The following CD1C variants were observed in gnomAD, a reference collection of about 807,000 sequenced individuals.
CD1C encodes CD1c molecule, also known as T-cell surface glycoprotein CD1c.
A neutral mutation model predicts 39.4 loss-of-function variants in CD1C; 47 were observed. That is an observed-to-expected ratio of 1.19 (90% CI 0.94 to 1.52). The LOEUF is 1.52. CD1C is among the 40% of genes most tolerant of loss of function. The probability of loss-of-function intolerance (pLI) is 0.00; values close to 1 mark genes in which losing one functional copy is unlikely to be tolerated. For missense variants in CD1C, 417 were observed against 395.2 expected, an observed-to-expected ratio of 1.06 and a Z score of -0.47; for synonymous variants, 165 against 150.8, an observed-to-expected ratio of 1.09 and a Z score of -0.69.
chr1:158,292,901 T>C (rs1345482646), intron 4 of CD1C, 27 bp downstream of exon 4: 13 of 1,609,502 alleles, frequency 8.1e-6, no homozygotes, highest in Admixed American at 5.0e-5. Context: ...GAAGTGTAGG[T>C]AGGTGGTTCT....
rs991876095 is a variant in CD1C at position 158,294,464 on chromosome 1, A to G, written c.*988A>G. Among the ~76,000 whole-genome samples, 1 of 152,228 alleles carries G rather than the reference A, an allele frequency of 6.6e-6. No individual in the cohort carries two copies. Among genetic ancestry groups the G allele is most frequent in the Non-Finnish European group, 1.5e-5 (1 of 68,040 alleles). On this transcript the variant is annotated 3_prime_UTR_variant, in exon 6 of 6. Coordinates refer to ENST00000368170, the MANE Select transcript of CD1C (RefSeq NM_001765.3). ...CAATGTTTGCTTCCTCAATCTGTCC[A>G]TGTTTCTTTTCTATTGTTTTCATGT...
chr1:158,291,386 A>G lies in CD1C; in HGVS notation c.314A>G (p.Gln105Arg), dbSNP rs1651036975. ...LTREIQDHASQDYSKYPFEVQ... is the reference protein window; with the variant it reads ...LTREIQDHASRDYSKYPFEVQ... ...CGGGAGATTCAAGACCATGCAAGTC[A>G]AGATTACTCGAAATGTAAGTTCAAT... Residue 105 changes from glutamine (Q) to arginine (R), a missense_variant, in exon 2 of 6, where the codon CAA (glutamine) becomes CGA (arginine). By Grantham distance (43) the Gln-to-Arg change is conservative. Coordinates refer to ENST00000368170, the MANE Select transcript of CD1C (RefSeq NM_001765.3). 6.2e-7 allele frequency: 1 copy of G among 1,613,736 alleles called. No homozygotes were observed.
chr1:158,292,215 G>C lies in CD1C; in HGVS notation c.460G>C (p.Gly154Arg). 6.2e-7 allele frequency: 1 copy of C among 1,614,188 alleles called. No individual in the cohort carries two copies. The highest frequency in any genetic ancestry group is 8.5e-7 in the Non-Finnish European group (1 of 1,180,036). Residue 154 changes from glycine (G) to arginine (R), a missense_variant, in exon 3 of 6, where the codon GGC becomes CGC. Gly to Arg is a moderately radical substitution (Grantham distance 125). Coordinates refer to ENST00000368170, the MANE Select transcript of CD1C (RefSeq NM_001765.3). ...FQNTTWVPSP[G>R]CGSLAQSVCH... ...GAATACAACATGGGTGCCATCTCCA[G>C]GCTGTGGAAGTTTGGCCCAAAGTGT... is the stretch of plus-strand genomic sequence containing the variant.
chr1:158,293,498 C>A lies in CD1C; in HGVS notation c.*22C>A. ...GTGAGACTCTTCCCCCTGACTCCCC[C>A]ATTGTGTTAAGAACCCAGCAACCCA... On this transcript the variant is annotated 3_prime_UTR_variant, in exon 6 of 6. Coordinates refer to ENST00000368170, the MANE Select transcript of CD1C (RefSeq NM_001765.3). The A allele has an allele frequency of 1.2e-6, 2 of 1,614,122 alleles. No homozygotes were observed. Among genetic ancestry groups the A allele is most frequent in the South Asian group, 2.2e-5 (2 of 91,086 alleles).
chr1:158,292,072 C>T lies in CD1C; in HGVS notation c.329-12C>T, dbSNP rs147598183. ...TGTTTGAACTCTTTTTCTCATTCCT[C>T]CCTTCCTCCAGATCCCTTTGAAGTA... On this transcript the variant is annotated splice_polypyrimidine_tract_variant and intron_variant, in intron 2 of 5. Coordinates refer to ENST00000368170, the MANE Select transcript of CD1C (RefSeq NM_001765.3). 8.1e-6 allele frequency: 13 copies of T among 1,601,066 alleles called. No homozygotes were observed. In the East Asian group the frequency reaches 2.2e-4, roughly 27 times the overall value.
chr1:158,292,004 C>T (rs985183986), intron 2 of CD1C, 80 bp from the exon 3 acceptor site: 2 of 1,412,260 alleles, frequency 1.4e-6, no homozygotes, highest in African/African-American at 1.4e-5. Context: ...TGCTTCACTT[C>T]CTGATACAGC....
intron 1 of CD1C, among the ~76,000 whole-genome samples, chr1:158,290,341 C>G (rs1309648044): frequency 6.6e-6 from 1 of 152,142 alleles, no homozygotes; most frequent in African/African-American, 2.4e-5. Flanking sequence ...TCTGTGGTAA[C>G]TGGTTCAATT....
rs1651094882 is a variant in CD1C, at chr1:158,292,808, C to G, written c.823C>G (p.Pro275Ala). ...QVILEVASEE[P>A]AGLSCRVRHS... ...GATCCTGGAGGTGGCATCTGAGGAGCCTGCTGGCCTGTCTTGTCGAGTGAG... is the reference window on the plus strand; with the variant it reads ...GATCCTGGAGGTGGCATCTGAGGAGGCTGCTGGCCTGTCTTGTCGAGTGAG... The change falls in exon 4 of 6, where the codon CCT becomes GCT. Residue 275 changes from proline to alanine, a missense_variant. Pro to Ala is a conservative substitution (Grantham distance 27). Coordinates refer to ENST00000368170, the MANE Select transcript of CD1C (RefSeq NM_001765.3). 6.2e-7 allele frequency: 1 copy of G among 1,614,038 alleles called. No individual in the cohort carries two copies. The highest frequency in any genetic ancestry group is 1.7e-5 in the Admixed American group (1 of 59,998).
Position 158,293,663 on chromosome 1 carries a change from C to T in CD1C, c.*187C>T. 1.4e-6 allele frequency: 2 copies of T among 1,384,284 alleles called. No homozygotes were observed. The highest frequency in any genetic ancestry group is 2.0e-6 in the Non-Finnish European group (2 of 999,102). The allele number at this position is 1,384,284 out of a possible 1,614,324, so 85.8% of individuals were successfully genotyped here. On this transcript the variant is annotated 3_prime_UTR_variant, in exon 6 of 6. Coordinates refer to ENST00000368170, the MANE Select transcript of CD1C (RefSeq NM_001765.3). ...CTTGGAATCTCCACTTTTTATATAG[C>T]ACTCAACCTTCAAAGCCCATTTCTG...
Position 158,291,228 on chromosome 1 carries a change from G to A in CD1C, c.156G>A (p.Glu52=), listed in dbSNP as rs531011689. The change falls in exon 2 of 6, where the codon GAG becomes GAA. Residue 52 remains glutamate (E), a synonymous_variant. Coordinates refer to ENST00000368170, the MANE Select transcript of CD1C (RefSeq NM_001765.3). ...ARGQGSGWLD[E]LQTHGWDSES... Reference sequence around the variant, plus strand: ...GTCAGGGCTCAGGATGGCTGGACGAGTTGCAGACTCATGGCTGGGACAGTG... The same window carrying A: ...GTCAGGGCTCAGGATGGCTGGACGAATTGCAGACTCATGGCTGGGACAGTG... The A allele has an allele frequency of 7.7e-4, 1,248 of 1,614,060 alleles. 26 individuals are homozygous for A. The South Asian group carries it at 0.013, about 16-fold the overall frequency.
rs1371860673 is a variant in CD1C, at chr1:158,291,326, A to G, written c.254A>G (p.Glu85Gly). The G allele has an allele frequency of 1.2e-6, 2 of 1,613,948 alleles. No homozygotes were observed. Among genetic ancestry groups the G allele is most frequent in the East Asian group, 4.5e-5 (2 of 44,890 alleles). ...NFSNEELSDLELLFRFYLFGL... is the reference protein window; with the variant it reads ...NFSNEELSDLGLLFRFYLFGL... ...AGCAATGAAGAGTTGTCAGACCTAG[A>G]GTTGTTATTTCGTTTCTACCTCTTT... The change falls in exon 2 of 6, where the codon GAG becomes GGG. Residue 85 changes from glutamate (E) to glycine (G), a missense_variant. Physicochemically the swap from Glu to Gly is moderately conservative, Grantham distance 98. Transcript: ENST00000368170.
chr1:158,292,282 C>G lies in CD1C; in HGVS notation c.527C>G (p.Thr176Arg). The part of the protein sequence containing the change: ...LNHQYEGVTE[T>R]VYNLIRSTCP... ...CATCAGTATGAAGGCGTCACAGAAA[C>G]AGTGTATAATCTCATAAGAAGCACT... is the stretch of plus-strand genomic sequence containing the variant. The change falls in exon 3 of 6, where the codon ACA becomes AGA. Residue 176 changes from threonine to arginine, a missense_variant. Coordinates refer to ENST00000368170, the MANE Select transcript of CD1C (RefSeq NM_001765.3). 1 of 1,614,178 alleles carries G rather than the reference C, an allele frequency of 6.2e-7. No individual in the cohort carries two copies. Among genetic ancestry groups the G allele is most frequent in the Middle Eastern group, 1.6e-4 (1 of 6,062 alleles).
intron 4 of CD1C, 112 bp from the exon 5 acceptor site, chr1:158,293,100 G>A (rs2101661452): frequency 1.0e-6 from 1 of 963,730 alleles, no homozygotes; most frequent in Admixed American, 2.1e-5. Flanking sequence ...GACTGAAATA[G>A]GATAACTGAT....
chr1:158,293,609 A>C lies in CD1C; in HGVS notation c.*133A>C. The stretch of plus-strand genomic sequence containing the variant: ...TCTGCATAATAAACATTTGTTAATA[A>C]AAACCAAATTCTAATTTGGAATGTT... On this transcript the variant is annotated 3_prime_UTR_variant, in exon 6 of 6. Transcript: ENST00000368170. 6.2e-7 allele frequency: 1 copy of C among 1,602,582 alleles called. No individual in the cohort carries two copies. The highest frequency in any genetic ancestry group is 8.5e-7 in the Non-Finnish European group (1 of 1,173,070).
chr1:158,289,950 G>T lies in CD1C; in HGVS notation c.-115G>T, dbSNP rs1650973815. 2 of 891,070 alleles carry T rather than the reference G, an allele frequency of 2.2e-6. No individual in the cohort carries two copies. The highest frequency in any genetic ancestry group is 5.1e-5 in the East Asian group (2 of 39,348). The allele number at this position is 891,070 out of a possible 1,614,324, so 55.2% of individuals were successfully genotyped here. A position where few individuals can be genotyped will look rare whatever the true frequency, so the allele number is the denominator to read the frequency against. The stretch of plus-strand genomic sequence containing the variant: ...ATCTTCTTAGTTGCTGTCAGCGGCT[G>T]ATGGGGAAGATTGTTGGTAGAAGGA... On this transcript the variant is annotated 5_prime_UTR_variant, in exon 1 of 6. Coordinates refer to ENST00000368170, the MANE Select transcript of CD1C (RefSeq NM_001765.3).
chr1:158,291,982 G>A (rs973806132), intron 2 of CD1C, 102 bp from the exon 3 acceptor site: 1 of 1,211,432 alleles, frequency 8.3e-7, no homozygotes, highest in Non-Finnish European at 1.2e-6. Flanking sequence ...TCACATCCAT[G>A]TAAAACTTTC....
chr1:158,293,468 A>G lies in CD1C; in HGVS notation c.994A>G (p.Ile332Val), dbSNP rs190457577. The change falls in exon 6 of 6, where the codon ATC (isoleucine) becomes GTC (valine). Residue 332 changes from isoleucine to valine, a missense_variant. Physicochemically the swap from Ile to Val is conservative, Grantham distance 29. Transcript: ENST00000368170. ...WFKKHCSYQD[I>V]L ...GTTCCTTCACAGCTCATATCAGGAC[A>G]TCCTGTGAGACTCTTCCCCCTGACT... 1.7e-4 allele frequency: 269 copies of G among 1,614,112 alleles called. 1 individual carries two copies. Among genetic ancestry groups the G allele is most frequent in the Admixed American group, 5.3e-4 (32 of 60,016 alleles).
rs956304218 is a variant in CD1C at position 158,293,735 on chromosome 1, G to C, written c.*259G>C. 9.5e-6 allele frequency: 7 copies of C among 739,272 alleles called. No homozygotes were observed. The highest frequency in any genetic ancestry group is 2.5e-5 in the Admixed American group (1 of 39,504). 45.8% of individuals were successfully genotyped at this position (739,272 alleles called of 1,614,324 possible). A position where few individuals can be genotyped will look rare whatever the true frequency, so the allele number is the denominator to read the frequency against. On this transcript the variant is annotated 3_prime_UTR_variant, in exon 6 of 6. Transcript: ENST00000368170. Reference sequence around the variant, plus strand: ...TTCCTTGACCCATACTGAACCCAGAGAGCCCCTCAACTGTTATGTGCATGC... The same window carrying C: ...TTCCTTGACCCATACTGAACCCAGACAGCCCCTCAACTGTTATGTGCATGC...
At chr1:158,293,419 T>G in intron 5 of CD1C, 36 bp from the exon 6 acceptor site, 1 of 1,612,078 alleles carries the variant, frequency 6.2e-7, no homozygotes. Flanking sequence ...CACCTCCAAC[T>G]TATTCAGGGT....
Sources: gnomAD v4.1 joint callset for allele counts (sites outside exome capture counted in the v4.1 genomes callset) on GRCh38, gnomAD v4.1.1 for gene constraint, MANE v1.5 for transcripts, NCBI Gene and HGNC (gene_info 2026-07-23, HGNC 2026-07-21) for gene names.